The following EIF4B variants were observed in gnomAD, a reference collection of about 807,000 sequenced individuals.
EIF4B encodes the protein eukaryotic translation initiation factor 4B.
EIF4B carries 8 observed loss-of-function variants against 79.3 expected under a neutral mutation model. The observed-to-expected ratio is 0.10, with a 90% CI of 0.06 to 0.18. EIF4B has a LOEUF of 0.18. EIF4B is among the 10% of genes least tolerant of loss of function. The pLI is 1.00. For missense variants in EIF4B, 515 were observed against 792.4 expected (o/e 0.65, Z 4.20); for synonymous variants, 238 against 274.7 (o/e 0.87, Z 1.32).
chr12:53,011,100 C>T (rs1565582861), intron 1 of EIF4B, among the ~76,000 whole-genome samples: 1 of 151,892 alleles, frequency 6.6e-6, no homozygotes, highest in African/African-American at 2.4e-5. Context: ...CACGTCTCTA[C>T]AAAAAAAATT....
rs1210609157 is a variant in EIF4B at position 53,040,215 on chromosome 12, G to A, written c.1828G>A (p.Ala610Thr). ...GEDENEGEDYAE is the reference protein window; with the variant it reads ...GEDENEGEDYTE Reference sequence around the variant, plus strand: ...AGATGAAAATGAGGGAGAAGATTATGCCGAATAGACCTCTACATCCTGTGC... The same window carrying A: ...AGATGAAAATGAGGGAGAAGATTATACCGAATAGACCTCTACATCCTGTGC... The change falls in exon 15 of 15, where the codon GCC (alanine) becomes ACC (threonine). Residue 610 changes from alanine (A) to threonine (T), a missense_variant. Transcript: ENST00000262056. The A allele has an allele frequency of 6.2e-7, 1 of 1,613,536 alleles. No homozygotes were observed. Among genetic ancestry groups the A allele is most frequent in the Admixed American group, 1.7e-5 (1 of 60,018 alleles).
intron 8 of EIF4B, among the ~76,000 whole-genome samples, chr12:53,032,733 T>C (rs913487988): frequency 2.0e-5 from 3 of 151,468 alleles, no homozygotes; most frequent in Non-Finnish European, 2.9e-5. Flanking sequence ...AGTGGTGTGT[T>C]CTCAGCTCAC....
rs1479935890 is a variant in EIF4B at position 53,038,188 on chromosome 12, C to A, written c.1521-168C>A. The A allele has an allele frequency of 9.5e-6, 5 of 523,834 alleles. No individual in the cohort carries two copies. In the East Asian group the frequency reaches 1.4e-4, roughly 14 times the overall value. The allele number at this position is 523,834 out of a possible 1,614,324, so 32.4% of individuals were successfully genotyped here. A position where few individuals can be genotyped will look rare whatever the true frequency, so the allele number is the denominator to read the frequency against. On this transcript the variant is annotated intron_variant, in intron 11 of 14. Coordinates refer to ENST00000262056, the MANE Select transcript of EIF4B (RefSeq NM_001417.7). ...AGAAAGCATATGGCACTTTAGTGTTCAAATTACTGCTTTCATTGTAATCTT... is the reference window on the plus strand; with the variant it reads ...AGAAAGCATATGGCACTTTAGTGTTAAAATTACTGCTTTCATTGTAATCTT...
chr12:53,029,385 T>A (rs1287209208), intron 8 of EIF4B, among the ~76,000 whole-genome samples: 1 of 151,150 alleles, frequency 6.6e-6, no homozygotes, highest in Non-Finnish European at 1.5e-5. Flanking sequence ...TTATTTTTTT[T>A]TTTTTGAGAC....
At chr12:53,022,464 T>G in intron 5 of EIF4B, 29 bp from the exon 6 acceptor site, 4 of 1,608,114 alleles carry the variant, frequency 2.5e-6, no homozygotes, top group Non-Finnish European at 2.5e-6. Flanking sequence ...ATGAGATAAC[T>G]TACGGTTTTT....
chr12:53,025,733 A>G (rs571888887), intron 6 of EIF4B, among the ~76,000 whole-genome samples: 5 of 152,198 alleles, frequency 3.3e-5, no homozygotes, highest in Admixed American at 6.5e-5. Context: ...AGTTTATAAT[A>G]CCAGGAAATG....
chr12:53,035,935 A>G (rs1287025881), intron 10 of EIF4B, among the ~76,000 whole-genome samples: 1 of 149,026 alleles, frequency 6.7e-6, no homozygotes, highest in Non-Finnish European at 1.5e-5. Flanking sequence ...CTCCTGCCTC[A>G]GCCTCCTGAG....
chr12:53,008,012 C>A (rs973601038), intron 1 of EIF4B, among the ~76,000 whole-genome samples: 1 of 152,184 alleles, frequency 6.6e-6, no homozygotes, highest in Non-Finnish European at 1.5e-5. Flanking sequence ...GTTTAGGACG[C>A]TGCCCGAAAG....
intron 6 of EIF4B, among the ~76,000 whole-genome samples, chr12:53,025,529 G>T (rs1253830486): frequency 6.6e-6 from 1 of 152,136 alleles, no homozygotes; most frequent in African/African-American, 2.4e-5. Flanking sequence ...CTCCAGCATG[G>T]ATCTATGCTT....
chr12:53,025,951 CA>C (rs921100830), intron 6 of EIF4B, among the ~76,000 whole-genome samples: 11 of 148,218 alleles, frequency 7.4e-5, no homozygotes, highest in African/African-American at 1.2e-4. Context: ...ACTAAAAATA[CA>C]AAAAAAAAAT....
In EIF4B at chr12:53,018,996, G is replaced by A. The variant is rs1943193267; in HGVS notation, c.350G>A (p.Arg117Gln). Residue 117 changes from arginine to glutamine, a missense_variant, in exon 3 of 15, where the codon CGA (arginine) becomes CAA (glutamine). By Grantham distance (43) the Arg-to-Gln change is conservative. Around this residue, in one of 6 missense-constraint regions of EIF4B, gnomAD observed 105 missense variants for 177.2 expected, o/e 0.59. Coordinates refer to ENST00000262056, the MANE Select transcript of EIF4B (RefSeq NM_001417.7). ...GAAGAGTCAATTAAGGAATTCTTTCGAGGATTAAATGTAAGTGTAAAAGTT... is the reference window on the plus strand; with the variant it reads ...GAAGAGTCAATTAAGGAATTCTTTCAAGGATTAAATGTAAGTGTAAAAGTT... The part of the protein sequence containing the change: ...VTEESIKEFF[R>Q]GLNISAVRLP... 5 of 1,613,576 alleles carry A rather than the reference G, an allele frequency of 3.1e-6. No homozygotes were observed. The African/African-American group carries it at 5.3e-5, about 17-fold the overall frequency.
Position 53,006,493 on chromosome 12 carries a change from T to C in EIF4B, c.10T>C (p.Ser4Pro). The C allele has an allele frequency of 6.2e-7, 1 of 1,613,490 alleles. No individual in the cohort carries two copies. Residue 4 changes from serine (S) to proline (P), a missense_variant, in exon 1 of 15, where the codon TCA (serine) becomes CCA (proline). Around this residue, in one of 6 missense-constraint regions of EIF4B, gnomAD observed 105 missense variants for 177.2 expected, o/e 0.59. Coordinates refer to ENST00000262056, the MANE Select transcript of EIF4B (RefSeq NM_001417.7). MAA[S>P]AKKKNKKGKT... is the part of the protein sequence containing the mutation. The stretch of plus-strand genomic sequence containing the variant: ...CTTTCCCTCTCCCAACATGGCGGCC[T>C]CAGGTGAGCGAGCAGCCGAGCGCGG...
At chr12:53,018,717 C>A in intron 2 of EIF4B, 81 bp from the exon 3 acceptor site, 1 of 1,515,118 alleles carries the variant, frequency 6.6e-7, no homozygotes, top group Non-Finnish European at 9.1e-7. Flanking sequence ...TAATATTTGG[C>A]AATTAACATG....
At chr12:53,030,312 C>G (rs1271191412) in intron 8 of EIF4B, among the ~76,000 whole-genome samples, 2 of 140,112 alleles carry the variant, frequency 1.4e-5, no homozygotes, top group Admixed American at 1.5e-4. Context: ...CCTGGGAGGT[C>G]AAGGCTGCAG....
intron 1 of EIF4B, among the ~76,000 whole-genome samples, chr12:53,007,445 T>TTTTA (rs1565752926): frequency 1.7e-5 from 2 of 120,844 alleles, no homozygotes; most frequent in East Asian, 2.4e-4. Flanking sequence ...TTTTTTTTTT[T>TTTTA]TTTAAGGTAA....
Position 53,039,656 on chromosome 12 carries a change from C to A in EIF4B, c.1709C>A (p.Ser570Tyr), listed in dbSNP as rs770481782. The A allele has an allele frequency of 6.2e-7, 1 of 1,613,806 alleles. No individual in the cohort carries two copies. Among genetic ancestry groups the A allele is most frequent in the Admixed American group, 1.7e-5 (1 of 60,010 alleles). Residue 570 changes from serine to tyrosine, a missense_variant, in exon 14 of 15, where the codon TCC (serine) becomes TAC (tyrosine). By Grantham distance (144) the Ser-to-Tyr change is moderately radical. Around this residue, in one of 6 missense-constraint regions of EIF4B, gnomAD observed 60 missense variants for 56.7 expected, o/e 1.06. Transcript: ENST00000262056. The part of the protein sequence containing the change: ...DRKDGKKDQD[S>Y]RSAPEPKKPE... ...AAAGATGGCAAAAAGGATCAAGACT[C>A]CAGATCTGCACCTGAGCCAAAGAAA... is the stretch of plus-strand genomic sequence containing the variant.
At chr12:53,033,217 C>G (rs1217313481) in intron 8 of EIF4B, among the ~76,000 whole-genome samples, 1 of 151,614 alleles carries the variant, frequency 6.6e-6, no homozygotes, top group Non-Finnish European at 1.5e-5. Flanking sequence ...CGGGGTTTCT[C>G]CATGTTGGTT....
chr12:53,042,186 A>C lies in EIF4B; in HGVS notation c.*1963A>C, dbSNP rs546288859. On this transcript the variant is annotated 3_prime_UTR_variant, in exon 15 of 15. Coordinates refer to ENST00000262056, the MANE Select transcript of EIF4B (RefSeq NM_001417.7). The stretch of plus-strand genomic sequence containing the variant: ...GGTTGTGGGTTTTTTGTTTTCTCCA[A>C]ATAAATCTGATCTTTAAAGTTCATT... The C allele has an allele frequency of 5.2e-5, 8 of 152,592 alleles. No homozygotes were observed. Among genetic ancestry groups the C allele is most frequent in the East Asian group, 1.9e-4 (1 of 5,204 alleles). 9.5% of individuals were successfully genotyped at this position (152,592 alleles called of 1,614,324 possible).
intron 3 of EIF4B, 148 bp downstream of exon 3, chr12:53,019,154 T>TG: frequency 9.1e-6 from 9 of 987,786 alleles, no homozygotes; most frequent in Non-Finnish European, 1.2e-5. Context: ...ATCCCAGCAC[T>TG]CTGGGAGTCT....
Sources: allele counts gnomAD v4.1 joint callset (sites outside exome capture counted in the v4.1 genomes callset), GRCh38; gene constraint gnomAD v4.1.1; regional missense constraint gnomAD v4.1.1; transcripts MANE v1.5; gene names NCBI Gene and HGNC (gene_info 2026-07-23, HGNC 2026-07-21).